The following SPG7 variants were observed in gnomAD, a reference collection of about 807,000 sequenced individuals.
SPG7 encodes the protein mitochondrial inner membrane m-AAA protease component paraplegin.
A neutral mutation model predicts 81.9 loss-of-function variants in SPG7; 103 were observed. The ratio of observed to expected loss-of-function variants is 1.26; its 90% confidence interval spans 1.07 to 1.48. The LOEUF (loss-of-function observed/expected upper bound fraction) is 1.48, where lower values mean the gene tolerates loss of function less well. Among genes scored for constraint, SPG7 ranks in the 40% most tolerant of loss-of-function variants. The pLI is 0.00. For synonymous variants in SPG7, 534 were observed against 444.2 expected (o/e 1.20, Z -2.54); for missense variants, 1,241 against 1,087.3 (o/e 1.14, Z -1.99).
At chr16:89,556,740 C>T (rs1411307903) in intron 16 of SPG7, 147 bp from the exon 17 acceptor site, 3 of 732,628 alleles carry the variant, frequency 4.1e-6, no homozygotes, top group African/African-American at 1.7e-5. Context: ...TCGGAGCTGC[C>T]TCCGTGCCTC....
At chr16:89,537,680 C>A in intron 9 of SPG7, 4 of 977,954 alleles carry the variant, frequency 4.1e-6, no homozygotes, top group Non-Finnish European at 4.9e-6. Flanking sequence ...ATGCCAGGCT[C>A]TGTTTTTTCA....
Position 89,512,969 on chromosome 16 carries a change from C to A in SPG7, c.308C>A (p.Thr103Asn), listed in dbSNP as rs746764772. Residue 103 changes from threonine to asparagine, a missense_variant, in exon 3 of 17, where the codon ACC becomes AAC. By Grantham distance (65) the Thr-to-Asn change is moderately conservative (BLOSUM62 0). Coordinates refer to ENST00000645818, the MANE Select transcript of SPG7 (RefSeq NM_003119.4). ...QLLGGTFYFN[T>N]SRLKQKNKEK... Reference sequence around the variant, plus strand: ...ATAGGTGGTACTTTCTATTTTAACACCTCAAGGTTGAAGCAGAAGAATAAG... The same window carrying A: ...ATAGGTGGTACTTTCTATTTTAACAACTCAAGGTTGAAGCAGAAGAATAAG... 1.9e-6 allele frequency: 3 copies of A among 1,613,264 alleles called. No individual in the cohort carries two copies. The highest frequency in any genetic ancestry group is 2.2e-5 in the East Asian group (1 of 44,856).
chr16:89,508,563 C>A lies in SPG7; in HGVS notation c.146C>A (p.Pro49Gln). 6.7e-7 allele frequency: 1 copy of A among 1,495,170 alleles called. No individual in the cohort carries two copies. Among genetic ancestry groups the A allele is most frequent in the Non-Finnish European group, 8.9e-7 (1 of 1,128,140 alleles). The allele number at this position is 1,495,170 out of a possible 1,614,324, so 92.6% of individuals were successfully genotyped here. A position where few individuals can be genotyped will look rare whatever the true frequency, so the allele number is the denominator to read the frequency against. Residue 49 changes from proline to glutamine, a missense_variant, in exon 1 of 17, where the codon CCG (proline) becomes CAG (glutamine). Physicochemically the swap from Pro to Gln is moderately conservative, Grantham distance 76 (BLOSUM62 -1). Coordinates refer to ENST00000645818, the MANE Select transcript of SPG7 (RefSeq NM_003119.4). ...RGRPYMASRP[P>Q]GDLAEAGGRA... The stretch of plus-strand genomic sequence containing the variant: ...CGGCCGTACATGGCCAGCAGGCCTC[C>A]GGGGGACCTCGCCGAGGCTGGAGGC...
At position 89,548,309 on chromosome 16, in the gene SPG7, T is replaced by C. The variant is rs927402373; in HGVS notation, c.1663+196T>C. On this transcript the variant is annotated intron_variant, in intron 12 of 16. Transcript: ENST00000645818. ...TAGTTTAAAATATCACAGATTTACC[T>C]AAGAGTAGACGCTCGTCCAACAGAA... is the stretch of plus-strand genomic sequence containing the variant. 7.0e-6 allele frequency: 4 copies of C among 572,898 alleles called. No individual in the cohort carries two copies. In the East Asian group the frequency reaches 8.8e-5, roughly 13 times the overall value. The allele number at this position is 572,898 out of a possible 1,614,324, so 35.5% of individuals were successfully genotyped here.
At chr16:89,530,082 T>C in intron 6 of SPG7, 1 of 268,548 alleles carries the variant, frequency 3.7e-6, no homozygotes, top group South Asian at 4.1e-5. Context: ...CAGGTGATCC[T>C]CCCGCCTCAG....
At chr16:89,526,959 G>A (rs994478981) in intron 5 of SPG7, 4 of 236,150 alleles carry the variant, frequency 1.7e-5, no homozygotes, top group South Asian at 1.4e-4. Context: ...GTAGGATGGC[G>A]AAGTCTCAGC....
Position 89,508,463 on chromosome 16 carries a change from G to T in SPG7, c.46G>T (p.Gly16Cys). The change falls in exon 1 of 17, where the codon GGC (glycine) becomes TGC (cysteine). Residue 16 changes from glycine (G) to cysteine (C), a missense_variant. By Grantham distance (159) the Gly-to-Cys change is radical. Transcript: ENST00000645818. ...LLLRALRRGP[G>C]PGPRPLWGPG... The stretch of plus-strand genomic sequence containing the variant: ...GCTCCGTGCCCTCCGCCGGGGTCCA[G>T]GCCCGGGTCCTCGGCCGCTGTGGGG... 1 of 1,507,796 alleles carries T rather than the reference G, an allele frequency of 6.6e-7. No individual in the cohort carries two copies. The highest frequency in any genetic ancestry group is 8.8e-7 in the Non-Finnish European group (1 of 1,135,252). 93.4% of individuals were successfully genotyped at this position (1,507,796 alleles called of 1,614,324 possible).
At chr16:89,550,427 C>T (rs1310541027) in intron 12 of SPG7, 67 bp from the exon 13 acceptor site, 11 of 1,127,420 alleles carry the variant, frequency 9.8e-6, no homozygotes, top group Non-Finnish European at 1.3e-5. Flanking sequence ...CCCGCCTTGG[C>T]CTCCCACAGC....
At chr16:89,535,125 G>T (rs910755762) in intron 9 of SPG7, among the ~76,000 whole-genome samples, 1 of 152,206 alleles carries the variant, frequency 6.6e-6, no homozygotes, top group Non-Finnish European at 1.5e-5. Context: ...GGATCAGGTC[G>T]AGCAGTGCAT....
rs2058690437 is a variant in SPG7 at position 89,556,727 on chromosome 16, C to T, written c.2182-160C>T. The T allele has an allele frequency of 8.7e-6, 6 of 693,572 alleles. No homozygotes were observed. In the Admixed American group the frequency reaches 1.3e-4, roughly 15 times the overall value. The allele number at this position is 693,572 out of a possible 1,614,324, so 43.0% of individuals were successfully genotyped here. A position where few individuals can be genotyped will look rare whatever the true frequency, so the allele number is the denominator to read the frequency against. ...TGAGGTTGAGATGGGGGTGATTCTTCTTTCGGAGCTGCCTCCGTGCCTCCG... is the reference window on the plus strand; with the variant it reads ...TGAGGTTGAGATGGGGGTGATTCTTTTTTCGGAGCTGCCTCCGTGCCTCCG... On this transcript the variant is annotated intron_variant, in intron 16 of 16. Coordinates refer to ENST00000645818, the MANE Select transcript of SPG7 (RefSeq NM_003119.4).
At chr16:89,530,485 C>T (rs1055678643) in intron 6 of SPG7, 198 bp from the exon 7 acceptor site, 4 of 664,624 alleles carry the variant, frequency 6.0e-6, no homozygotes, top group African/African-American at 1.8e-5. Flanking sequence ...AAGTTTCTTA[C>T]TAATTAATGA....
intron 9 of SPG7, chr16:89,543,103 A>T (rs970020181): frequency 6.6e-6 from 1 of 151,068 alleles, no homozygotes; most frequent in Admixed American, 6.6e-5. Flanking sequence ...GCCCGCCACC[A>T]CGCCCAGCTA....
chr16:89,555,169 C>T (rs1322908542), intron 16 of SPG7: 1 of 153,600 alleles, frequency 6.5e-6, no homozygotes, highest in Non-Finnish European at 1.4e-5. Flanking sequence ...GCCACCTCCA[C>T]CTCCCCAGTT....
At chr16:89,524,364 T>G (rs548574740) in intron 4 of SPG7, 117 bp downstream of exon 4, 133 of 1,162,772 alleles carry the variant, frequency 1.1e-4, no homozygotes, top group Admixed American at 2.6e-4. Context: ...TTGCCATCCT[T>G]TTGGATACCT....
At chr16:89,526,125 A>C (rs954799249) in intron 4 of SPG7, among the ~76,000 whole-genome samples, 7 of 152,166 alleles carry the variant, frequency 4.6e-5, no homozygotes, top group Admixed American at 1.3e-4. Context: ...CTTAGTGTGC[A>C]TATTGCTTTT....
rs199740629 is a variant in SPG7, at chr16:89,526,326, C to T, written c.619-3C>T. The stretch of plus-strand genomic sequence containing the variant: ...ATGGTCCCCTCTCCTTTCTGCCCCC[C>T]AGCGGCTAGCCTTGATGTACCGAAT... On this transcript the variant is annotated splice_polypyrimidine_tract_variant and splice_region_variant and intron_variant, in intron 4 of 16. Coordinates refer to ENST00000645818, the MANE Select transcript of SPG7 (RefSeq NM_003119.4). 50 of 1,614,070 alleles carry T rather than the reference C, an allele frequency of 3.1e-5. No homozygotes were observed. The highest frequency in any genetic ancestry group is 1.1e-4 in the African/African-American group (8 of 75,024).
chr16:89,540,783 C>T (rs1383071770), intron 9 of SPG7: 11 of 561,072 alleles, frequency 2.0e-5, no homozygotes, highest in South Asian at 7.9e-5. Context: ...CACATGACCC[C>T]GCATCCACCC....
At chr16:89,528,004 G>C (rs1253141633) in intron 5 of SPG7, among the ~76,000 whole-genome samples, 1 of 152,166 alleles carries the variant, frequency 6.6e-6, no homozygotes, top group South Asian at 2.1e-4. Context: ...CTGAGGCTGT[G>C]TGTCTCATGT....
At chr16:89,556,125 C>A (rs2058685947) in intron 16 of SPG7, 1 of 398,764 alleles carries the variant, frequency 2.5e-6, no homozygotes, top group African/African-American at 2.1e-5. Flanking sequence ...GTGTCTGCCC[C>A]GTGTATGAAC....
Sources: allele counts gnomAD v4.1 joint callset (sites outside exome capture counted in the v4.1 genomes callset), GRCh38; gene constraint gnomAD v4.1.1; transcripts MANE v1.5; gene names NCBI Gene and HGNC (gene_info 2026-07-23, HGNC 2026-07-21).